The following SPATA13 variants were observed in gnomAD, a reference collection of about 807,000 sequenced individuals.
The protein encoded by SPATA13 is spermatogenesis associated 13, also known as spermatogenesis-associated protein 13.
A neutral mutation model predicts 104.0 loss-of-function variants in SPATA13; 50 were observed. The observed-to-expected ratio is 0.48, with a 90% CI of 0.38 to 0.61. The LOEUF is 0.61. Among genes scored for constraint, SPATA13 ranks in the 20% least tolerant of loss-of-function variants. The probability of loss-of-function intolerance (pLI) is 0.00; values close to 1 mark genes in which losing one functional copy is unlikely to be tolerated. For missense variants in SPATA13, 1,524 were observed against 1,690.6 expected, an observed-to-expected ratio of 0.90 and a Z score of 1.73; for synonymous variants, 606 against 667.5, an observed-to-expected ratio of 0.91 and a Z score of 1.42.
At chr13:24,037,265 A>G (rs1343136990) in intron 3 of SPATA13, among the ~76,000 whole-genome samples, 1 of 150,858 alleles carries the variant, frequency 6.6e-6, no homozygotes, top group South Asian at 2.1e-4. Context: ...TGACGAGTTA[A>G]TGGGTGCAGC....
At position 24,001,404 on chromosome 13, in the gene SPATA13, G is replaced by T. The variant is rs534756063; in HGVS notation, c.-146-16263G>T. Among the ~76,000 whole-genome samples the T allele has an allele frequency of 2.6e-5, 4 of 152,094 alleles. No individual in the cohort carries two copies. In the South Asian group the frequency reaches 8.3e-4, roughly 32 times the overall value. On this transcript the variant is annotated intron_variant, in intron 2 of 14. Transcript: ENST00000424834. The stretch of plus-strand genomic sequence containing the variant: ...ACACCTGCTTCTTCTGAGAAGGAGG[G>T]TGTGAGAGAGGTGAGGTGTGAGAGA...
chr13:24,305,462 G>T lies in SPATA13; in HGVS notation c.*2689G>T, dbSNP rs1407479764. The T allele has an allele frequency of 6.6e-6, 1 of 152,170 alleles. No homozygotes were observed. The highest frequency in any genetic ancestry group is 2.4e-5 in the African/African-American group (1 of 41,438). The allele number at this position is 152,170 out of a possible 1,614,324, so 9.4% of individuals were successfully genotyped here. ...CCTTTGACTTCTTGAAAATCTGCATGTCTGGCTTGGGTTTTATTACCACAT... is the reference window on the plus strand; with the variant it reads ...CCTTTGACTTCTTGAAAATCTGCATTTCTGGCTTGGGTTTTATTACCACAT... On this transcript the variant is annotated 3_prime_UTR_variant, in exon 13 of 13. Coordinates refer to ENST00000382108, the MANE Select transcript of SPATA13 (RefSeq NM_001166271.3).
intron 2 of SPATA13, among the ~76,000 whole-genome samples, chr13:24,246,622 A>G (rs2760371): frequency 0.81 from 122,445 of 151,994 alleles, 50,039 homozygotes; most frequent in East Asian, 0.94. Flanking sequence ...CACTTTGGGA[A>G]GCTGCAGTGG....
At chr13:24,146,201 T>C (rs1881925940) in intron 3 of SPATA13, among the ~76,000 whole-genome samples, 1 of 152,222 alleles carries the variant, frequency 6.6e-6, no homozygotes, top group Non-Finnish European at 1.5e-5. Context: ...AGACTTTGAG[T>C]ATCTTGATCC....
chr13:24,208,431 A>C (rs1208053517), intron 1 of SPATA13, among the ~76,000 whole-genome samples: 1 of 152,238 alleles, frequency 6.6e-6, no homozygotes, highest in African/African-American at 2.4e-5. Flanking sequence ...TGTAATTCAT[A>C]ATCCCCAGTG....
Position 24,223,533 on chromosome 13 carries a change from A to G in SPATA13, c.604A>G (p.Ser202Gly). ...CCAGCGGAGCACACACCGCTCCCGC[A>G]GCCTCCGCAGAGCCTACGGCCTGGG... Reference protein sequence around the residue: ...AFQRSTHRSRSLRRAYGLGRI... With the variant: ...AFQRSTHRSRGLRRAYGLGRI... The change falls in exon 2 of 13, where the codon AGC becomes GGC. Residue 202 changes from serine to glycine, a missense_variant. This residue lies in a region of SPATA13 where 1,089 missense variants were observed against 1,135.9 expected (regional missense o/e 0.96). Coordinates refer to ENST00000382108, the MANE Select transcript of SPATA13 (RefSeq NM_001166271.3). 1 of 1,548,898 alleles carries G rather than the reference A, an allele frequency of 6.5e-7. No individual in the cohort carries two copies. Among genetic ancestry groups the G allele is most frequent in the Non-Finnish European group, 8.7e-7 (1 of 1,146,992 alleles).
At chr13:24,259,414 T>C (rs957299390) in intron 4 of SPATA13, among the ~76,000 whole-genome samples, 5 of 152,222 alleles carry the variant, frequency 3.3e-5, no homozygotes, top group African/African-American at 1.2e-4. Context: ...TTGAGGCTGG[T>C]CTGAATAAAG....
chr13:24,161,808 G>GGCTTCCCATA lies in SPATA13; in HGVS notation c.-112+879_-112+888dup, dbSNP rs1882506668. On this transcript the variant is annotated intron_variant, in intron 1 of 12. Coordinates refer to ENST00000382108, the MANE Select transcript of SPATA13 (RefSeq NM_001166271.3). The surrounding 1 kb of genome is among the most constrained non-coding windows in gnomAD (Gnocchi z 4.5). ...GAATTTATTCAGCTCTTGTTCCCATGGCTTCCCATAGCCTTATATTATGCA... is the reference window on the plus strand; with the variant it reads ...GAATTTATTCAGCTCTTGTTCCCATGGCTTCCCATAGCTTCCCATAGCCTTATATTATGCA... Among the ~76,000 whole-genome samples the GGCTTCCCATA allele has an allele frequency of 6.6e-6, 1 of 152,154 alleles. No individual in the cohort carries two copies. Among genetic ancestry groups the GGCTTCCCATA allele is most frequent in the East Asian group, 1.9e-4 (1 of 5,192 alleles).
chr13:24,166,278 T>C (rs372136276), intron 1 of SPATA13, among the ~76,000 whole-genome samples: 4 of 152,262 alleles, frequency 2.6e-5, no homozygotes, highest in African/African-American at 9.6e-5. Context: ...GAGGCCCATA[T>C]GTAAAAGCAA....
intron 3 of SPATA13, among the ~76,000 whole-genome samples, chr13:24,018,070 A>T (rs1053500335): frequency 2.0e-5 from 3 of 152,232 alleles, no homozygotes; most frequent in East Asian, 1.9e-4. Flanking sequence ...AATACAAATG[A>T]ATCACCTTAC....
chr13:24,009,254 C>T (rs1182283053), intron 2 of SPATA13, among the ~76,000 whole-genome samples: 2 of 152,232 alleles, frequency 1.3e-5, no homozygotes, highest in Non-Finnish European at 1.5e-5. Flanking sequence ...CACCCTTCTC[C>T]CATGGTCCTG....
At chr13:24,102,030 T>C (rs960031818) in intron 3 of SPATA13, among the ~76,000 whole-genome samples, 1 of 152,236 alleles carries the variant, frequency 6.6e-6, no homozygotes, top group Non-Finnish European at 1.5e-5. Context: ...ATGGTGATTT[T>C]ATTTTTAATG....
In SPATA13 at chr13:24,286,431, G is replaced by C. The variant is rs1351750125; in HGVS notation, c.2481+38G>C. The C allele has an allele frequency of 6.3e-7, 1 of 1,590,658 alleles. No homozygotes were observed. The highest frequency in any genetic ancestry group is 8.6e-7 in the Non-Finnish European group (1 of 1,168,304). ...TGCTTGCAGCTTTTCCAAAGTACCT[G>C]GGGGAGCTGCAGGATCCTTTCAGGT... On this transcript the variant is annotated intron_variant, in intron 6 of 12. Coordinates refer to ENST00000382108, the MANE Select transcript of SPATA13 (RefSeq NM_001166271.3). This position sits in a 1 kb window ranked among gnomAD's most constrained non-coding sequence, Gnocchi z 4.9.
In SPATA13 at chr13:24,286,439, T is replaced by C. The variant is rs773458555; in HGVS notation, c.2481+46T>C. 3 of 1,575,086 alleles carry C rather than the reference T, an allele frequency of 1.9e-6. No homozygotes were observed. The Admixed American group carries it at 5.4e-5, about 29-fold the overall frequency. ...GCTTTTCCAAAGTACCTGGGGGAGCTGCAGGATCCTTTCAGGTCAGAACTC... is the reference window on the plus strand; with the variant it reads ...GCTTTTCCAAAGTACCTGGGGGAGCCGCAGGATCCTTTCAGGTCAGAACTC... On this transcript the variant is annotated intron_variant, in intron 6 of 12. Transcript: ENST00000382108. This position sits in a 1 kb window ranked among gnomAD's most constrained non-coding sequence, Gnocchi z 4.9.
chr13:24,010,987 T>G (rs1287126821), intron 2 of SPATA13, among the ~76,000 whole-genome samples: 3 of 151,990 alleles, frequency 2.0e-5, no homozygotes, highest in Non-Finnish European at 2.9e-5. Context: ...TAGAGGAATG[T>G]TCCCTCTCTG....
chr13:24,068,726 G>T (rs1005411303), intron 3 of SPATA13, among the ~76,000 whole-genome samples: 4 of 152,150 alleles, frequency 2.6e-5, no homozygotes, highest in African/African-American at 9.7e-5. Flanking sequence ...GCATGAGATG[G>T]TATCTCATGG....
At chr13:24,140,961 G>A (rs528674753) in intron 3 of SPATA13, among the ~76,000 whole-genome samples, 28 of 152,310 alleles carry the variant, frequency 1.8e-4, no homozygotes, top group Admixed American at 7.8e-4. Flanking sequence ...AATCACCTGA[G>A]GTCAGGAGTT....
intron 3 of SPATA13, among the ~76,000 whole-genome samples, chr13:24,083,311 C>G (rs1026658783): frequency 2.6e-5 from 4 of 152,228 alleles, no homozygotes; most frequent in African/African-American, 9.6e-5. Context: ...ACAAAGGGCA[C>G]AGACACCAAA....
intron 3 of SPATA13, among the ~76,000 whole-genome samples, chr13:24,120,859 G>T (rs564823269): frequency 6.6e-6 from 1 of 152,304 alleles, no homozygotes; most frequent in South Asian, 2.1e-4. Context: ...GGAGGGAAAA[G>T]TACACTGAGT....
Sources: allele counts gnomAD v4.1 joint callset (sites outside exome capture counted in the v4.1 genomes callset), GRCh38; gene constraint gnomAD v4.1.1; regional missense constraint gnomAD v4.1.1; non-coding constraint Gnocchi (gnomAD v3.1); transcripts MANE v1.5; gene names NCBI Gene and HGNC (gene_info 2026-07-23, HGNC 2026-07-21).